The following RANBP2 variants were observed in gnomAD, a reference collection of about 807,000 sequenced individuals.
The protein encoded by RANBP2 is E3 SUMO-protein ligase RanBP2.
Under a neutral mutation model 303.6 loss-of-function variants are expected in RANBP2, and 57 were observed. The observed-to-expected ratio is 0.19, with a 90% CI of 0.15 to 0.23. RANBP2 has a LOEUF of 0.23. RANBP2 is among the 10% of genes least tolerant of loss of function. RANBP2 has a pLI of 1.00. For missense variants in RANBP2, 3,138 were observed against 3,780.8 expected (o/e 0.83, Z 4.46); for synonymous variants, 1,167 against 1,301.5 (o/e 0.90, Z 2.23).
At chr2:109,602,154 T>C in the RANBP2 span, among the ~76,000 whole-genome samples, 1 of 152,180 alleles carries the variant, frequency 6.6e-6, no homozygotes, top group African/African-American at 2.4e-5. Context: ...CCGTACTAAG[T>C]GGGTAACAAA....
At chr2:109,049,843 G>T in the RANBP2 span, among the ~76,000 whole-genome samples, 1 of 152,132 alleles carries the variant, frequency 6.6e-6, no homozygotes, top group East Asian at 1.9e-4. Context: ...AGGTTTTCCC[G>T]TTCGGGGCTA....
At chr2:109,263,563 G>A in the RANBP2 span, among the ~76,000 whole-genome samples, 1 of 152,210 alleles carries the variant, frequency 6.6e-6, no homozygotes. Flanking sequence ...GAGCCAGGTA[G>A]AGAATTTGCT....
At chr2:108,744,076 G>A in intron 7 of RANBP2, among the ~76,000 whole-genome samples, 1 of 152,174 alleles carries the variant, frequency 6.6e-6, no homozygotes, top group Non-Finnish European at 1.5e-5. Flanking sequence ...TTGCAGCTAG[G>A]TAGTTAACAA....
chr2:109,471,206 C>CAAAA, the RANBP2 span, among the ~76,000 whole-genome samples: 29 of 40,114 alleles, frequency 7.2e-4, no homozygotes, highest in East Asian at 2.9e-3. Flanking sequence ...GACTCTGTCT[C>CAAAA]AAAAAAAAAA....
the RANBP2 span, among the ~76,000 whole-genome samples, chr2:109,619,499 A>C: frequency 1.2e-4 from 19 of 152,150 alleles, no homozygotes; most frequent in African/African-American, 4.6e-4. Flanking sequence ...CTGTATTTTT[A>C]GCAAAATTCA....
chr2:109,286,996 G>A, the RANBP2 span, among the ~76,000 whole-genome samples: 1 of 152,184 alleles, frequency 6.6e-6, no homozygotes, highest in Non-Finnish European at 1.5e-5. Context: ...GAAATGGGAC[G>A]TGCAACTGTC....
At chr2:109,606,404 A>T in the RANBP2 span, among the ~76,000 whole-genome samples, 7 of 151,940 alleles carry the variant, frequency 4.6e-5, no homozygotes, top group Admixed American at 6.6e-5. Context: ...ACAAAGCAAG[A>T]CTCTGTCTCA....
rs34247750 is a variant in RANBP2 at position 108,748,374 on chromosome 2, A to AT, written c.1064-526dup. Among the ~76,000 whole-genome samples the AT allele has an allele frequency of 3.4e-3, 451 of 130,728 alleles. 4 individuals carry two copies. The highest frequency in any genetic ancestry group is 0.011 in the East Asian group (49 of 4,520). 85.8% of individuals were successfully genotyped at this position (130,728 alleles called of 152,430 possible). A position where few individuals can be genotyped will look rare whatever the true frequency, so the allele number is the denominator to read the frequency against. ...AGGCGCCAGCCACCAGGGCCGGCTA[A>AT]TTTTTTTTTTTTTTTTTTTTGTATT... On this transcript the variant is annotated intron_variant, in intron 8 of 28. Transcript: ENST00000283195.
chr2:108,749,039 C>T lies in RANBP2; in HGVS notation c.1183C>T (p.Pro395Ser), dbSNP rs776867851. ...LYDALFSSQS[P>S]KDTSFLGSDD... Reference sequence around the variant, plus strand: ...TGATGCTCTGTTTTCTAGTCAGTCACCTAAGGATACATCTTTTCTTGGTAG... The same window carrying T: ...TGATGCTCTGTTTTCTAGTCAGTCATCTAAGGATACATCTTTTCTTGGTAG... Residue 395 changes from proline (P) to serine (S), a missense_variant, in exon 9 of 29, where the codon CCT becomes TCT. Pro to Ser is a moderately conservative substitution (Grantham distance 74, BLOSUM62 -1). Coordinates refer to ENST00000283195, the MANE Select transcript of RANBP2 (RefSeq NM_006267.5). 4.3e-6 allele frequency: 7 copies of T among 1,611,710 alleles called. No individual in the cohort carries two copies. The East Asian group carries it at 8.9e-5, about 21-fold the overall frequency.
At chr2:109,002,995 CAGG>C in the RANBP2 span, among the ~76,000 whole-genome samples, 1 of 152,076 alleles carries the variant, frequency 6.6e-6, no homozygotes, top group South Asian at 2.1e-4. Flanking sequence ...ATCAAGAGGT[CAGG>C]AGTTCGAGAC....
chr2:109,228,902 C>T, the RANBP2 span, among the ~76,000 whole-genome samples: 3 of 152,154 alleles, frequency 2.0e-5, no homozygotes, highest in East Asian at 1.9e-4. Flanking sequence ...AATATCCAGC[C>T]CCTCTGCCCT....
At chr2:109,509,829 C>T in the RANBP2 span, among the ~76,000 whole-genome samples, 27 of 152,094 alleles carry the variant, frequency 1.8e-4, no homozygotes, top group African/African-American at 3.1e-4. Flanking sequence ...TATGAATTTT[C>T]GGGGAACATA....
chr2:109,450,415 C>T, the RANBP2 span, among the ~76,000 whole-genome samples: 3 of 151,954 alleles, frequency 2.0e-5, no homozygotes, highest in African/African-American at 4.8e-5. Context: ...CCCTGCTAGA[C>T]GTTAGATTAA....
intron 4 of RANBP2, among the ~76,000 whole-genome samples, chr2:108,732,711 ACTTCT>A (rs1695266543): frequency 6.6e-6 from 1 of 152,192 alleles, no homozygotes; most frequent in Non-Finnish European, 1.5e-5. Flanking sequence ...GATGCTATTT[ACTTCT>A]CTTCACTATG....
At chr2:108,910,752 G>T in the RANBP2 span, 9 of 1,611,628 alleles carry the variant, frequency 5.6e-6, no homozygotes, top group Non-Finnish European at 6.8e-6. Context: ...TGCACATGGT[G>T]TGTGGAAGCC....
the RANBP2 span, among the ~76,000 whole-genome samples, chr2:109,330,733 A>T: frequency 2.0e-5 from 3 of 152,170 alleles, 1 homozygote; most frequent in East Asian, 5.8e-4. Flanking sequence ...AAATAAATGG[A>T]GAGATGGGTG....
At chr2:109,012,909 A>G in the RANBP2 span, among the ~76,000 whole-genome samples, 141 of 152,278 alleles carry the variant, frequency 9.3e-4, 1 homozygote, top group South Asian at 0.021. Flanking sequence ...GCGAGACTCC[A>G]TCTCAGAAAA....
chr2:109,553,053 A>G, the RANBP2 span: 565 of 1,594,334 alleles, frequency 3.5e-4, 7 homozygotes, highest in East Asian at 8.8e-3. Flanking sequence ...CATCTAAAAA[A>G]TAAATGCAAA....
the RANBP2 span, among the ~76,000 whole-genome samples, chr2:109,206,130 G>A: frequency 6.6e-6 from 1 of 152,110 alleles, no homozygotes; most frequent in Non-Finnish European, 1.5e-5. Flanking sequence ...TCTCTCCCTG[G>A]AGGTTTTGCT....
Sources: gnomAD v4.1 joint callset for allele counts (sites outside exome capture counted in the v4.1 genomes callset) on GRCh38, gnomAD v4.1.1 for gene constraint, MANE v1.5 for transcripts, NCBI Gene and HGNC (gene_info 2026-07-23, HGNC 2026-07-21) for gene names.